The following PRKG1 variants were observed in gnomAD, a reference collection of about 807,000 sequenced individuals.
PRKG1 encodes protein kinase cGMP-dependent 1.
Under a neutral mutation model 88.1 loss-of-function variants are expected in PRKG1, and 35 were observed. That is an observed-to-expected ratio of 0.40 (90% CI 0.30 to 0.53). The LOEUF (loss-of-function observed/expected upper bound fraction) is 0.53. Among genes scored for constraint, PRKG1 ranks in the 20% least tolerant of loss-of-function variants. PRKG1 has a pLI of 0.59. For synonymous variants in PRKG1, 303 were observed against 292.5 expected (o/e 1.04, Z -0.37); for missense variants, 540 against 839.8 (o/e 0.64, Z 4.41).
At chr10:52,185,026 GC>G (rs1331721130) in intron 9 of PRKG1, 1 of 152,066 alleles carries the variant, frequency 6.6e-6, no homozygotes, top group Non-Finnish European at 1.5e-5. Context: ...TCTGCTGCTG[GC>G]CCCCTAAATC....
chr10:51,464,436 A>G (rs937841012), intron 2 of PRKG1, among the ~76,000 whole-genome samples: 2 of 152,210 alleles, frequency 1.3e-5, no homozygotes, highest in African/African-American at 4.8e-5. Context: ...CTCAAATACA[A>G]TCTGGCTAAG....
chr10:51,664,089 C>T (rs1840365905), intron 3 of PRKG1, among the ~76,000 whole-genome samples: 2 of 151,568 alleles, frequency 1.3e-5, no homozygotes, highest in African/African-American at 4.8e-5. Flanking sequence ...GATAAGCTAC[C>T]CAGTGGGTTC....
At chr10:51,653,598 G>T (rs4376848) in intron 3 of PRKG1, among the ~76,000 whole-genome samples, 1 of 150,304 alleles carries the variant, frequency 6.7e-6, no homozygotes, top group East Asian at 1.9e-4. Flanking sequence ...GTAGAGTCTC[G>T]CCCTGTTGCC....
intron 2 of PRKG1, among the ~76,000 whole-genome samples, chr10:51,344,359 A>G (rs1196050147): frequency 2.6e-5 from 4 of 152,312 alleles, no homozygotes; most frequent in Non-Finnish European, 5.9e-5. Flanking sequence ...ATCCACGAGA[A>G]TTCCACCTCA....
intron 7 of PRKG1, among the ~76,000 whole-genome samples, chr10:52,128,935 C>G (rs1296977994): frequency 2.0e-5 from 3 of 152,106 alleles, no homozygotes; most frequent in Non-Finnish European, 4.4e-5. Flanking sequence ...GCTGAATGTT[C>G]AGAGGTAATG....
intron 5 of PRKG1, among the ~76,000 whole-genome samples, chr10:52,030,195 G>C (rs1338714444): frequency 6.6e-6 from 1 of 152,174 alleles, no homozygotes; most frequent in Non-Finnish European, 1.5e-5. Flanking sequence ...ATACTGAGAA[G>C]TTTGTTGTTC....
chr10:51,390,832 A>G (rs1057167558), intron 2 of PRKG1, among the ~76,000 whole-genome samples: 7 of 152,170 alleles, frequency 4.6e-5, no homozygotes, highest in East Asian at 1.9e-4. Context: ...TTTCATTGTC[A>G]TTACTGTTAC....
intron 3 of PRKG1, among the ~76,000 whole-genome samples, chr10:51,637,067 A>G (rs1165331814): frequency 6.6e-6 from 1 of 152,144 alleles, no homozygotes; most frequent in Non-Finnish European, 1.5e-5. Flanking sequence ...TTCTCCATAA[A>G]AAGTGATTGT....
At chr10:51,429,257 T>A (rs552976848) in intron 2 of PRKG1, among the ~76,000 whole-genome samples, 11 of 152,278 alleles carry the variant, frequency 7.2e-5, no homozygotes, top group Admixed American at 1.3e-4. Flanking sequence ...TAAGATTTTT[T>A]AAAAACTGAG....
chr10:52,277,228 C>T (rs1841893715), intron 12 of PRKG1, among the ~76,000 whole-genome samples: 1 of 151,786 alleles, frequency 6.6e-6, no homozygotes, highest in South Asian at 2.1e-4. Context: ...ATGTGAGAAG[C>T]ATGGGGAAAG....
chr10:51,121,367 A>C lies in PRKG1; in HGVS notation c.312-31797A>C, dbSNP rs373325252. Among the ~76,000 whole-genome samples, 165 of 152,252 alleles carry C rather than the reference A, an allele frequency of 1.1e-3. 1 individual carries two copies. The highest frequency in any genetic ancestry group is 3.9e-3 in the African/African-American group (161 of 41,562). ...TGTCTTTGATGGAGGAAATTATTAT[A>C]TTATTTTTTGATACATTTAAGCATA... On this transcript the variant is annotated intron_variant, in intron 1 of 17. Coordinates refer to ENST00000373980, the MANE Select transcript of PRKG1 (RefSeq NM_006258.4).
rs570798539 is a variant in PRKG1 at position 51,367,684 on chromosome 10, G to A, written c.479-100039G>A. 2.6e-3 allele frequency among the ~76,000 whole-genome samples: 401 copies of A among 151,988 alleles called. 1 individual carries two copies. Among genetic ancestry groups the A allele is most frequent in the Middle Eastern group, 0.017 (5 of 294 alleles). On this transcript the variant is annotated intron_variant, in intron 2 of 17. Coordinates refer to ENST00000373980, the MANE Select transcript of PRKG1 (RefSeq NM_006258.4). Reference sequence around the variant, plus strand: ...CAAGCAAAGACTGCTTATTTTTGGAGTAGAAGAACTTCAAAGTCTCTACCA... The same window carrying A: ...CAAGCAAAGACTGCTTATTTTTGGAATAGAAGAACTTCAAAGTCTCTACCA...
chr10:51,554,337 T>TTATATACACATATATAATATATACG (rs1837250678), intron 3 of PRKG1, among the ~76,000 whole-genome samples: 2 of 83,582 alleles, frequency 2.4e-5, no homozygotes, highest in Non-Finnish European at 2.9e-5. Flanking sequence ...CACACATATA[T>TTATATACACATATATAATATATACG]TATATACACA....
At chr10:51,605,911 C>A (rs573875244) in intron 3 of PRKG1, among the ~76,000 whole-genome samples, 7 of 152,058 alleles carry the variant, frequency 4.6e-5, no homozygotes, top group Non-Finnish European at 8.8e-5. Context: ...ATATCTAGTA[C>A]CCCTGTTTAC....
At chr10:51,557,419 A>T (rs1160280511) in intron 3 of PRKG1, among the ~76,000 whole-genome samples, 2 of 151,926 alleles carry the variant, frequency 1.3e-5, no homozygotes, top group Admixed American at 1.3e-4. Context: ...CATCTTCATG[A>T]ATCTTAAGTG....
chr10:51,126,100 A>C (rs1289514389), intron 1 of PRKG1, among the ~76,000 whole-genome samples: 2 of 112,332 alleles, frequency 1.8e-5, no homozygotes, highest in Non-Finnish European at 3.4e-5. Flanking sequence ...ATAATAATAT[A>C]CTATATATAA....
chr10:51,769,942 C>T (rs1838260591), intron 3 of PRKG1, among the ~76,000 whole-genome samples: 1 of 152,182 alleles, frequency 6.6e-6, no homozygotes, highest in South Asian at 2.1e-4. Context: ...TAAAGTCATC[C>T]TGGGCCGCAT....
chr10:51,679,256 G>T (rs532874771), intron 3 of PRKG1, among the ~76,000 whole-genome samples: 1 of 151,958 alleles, frequency 6.6e-6, no homozygotes, highest in South Asian at 2.1e-4. Flanking sequence ...TTACACTCAG[G>T]GTTCCTAAGA....
intron 3 of PRKG1, among the ~76,000 whole-genome samples, chr10:51,721,244 TA>T (rs1418294328): frequency 6.7e-6 from 1 of 148,462 alleles, no homozygotes; most frequent in Non-Finnish European, 1.5e-5. Context: ...AAAAAAAAAG[TA>T]AAACACTTAA....
Sources: allele counts gnomAD v4.1 joint callset (sites outside exome capture counted in the v4.1 genomes callset), GRCh38; gene constraint gnomAD v4.1.1; transcripts MANE v1.5; gene names NCBI Gene and HGNC (gene_info 2026-07-23, HGNC 2026-07-21).